Variants in PPIG observed in about 807,000 individuals in gnomAD.
The protein encoded by PPIG is peptidyl-prolyl cis-trans isomerase G.
PPIG carries 26 observed loss-of-function variants against 87.9 expected under a neutral mutation model. The ratio of observed to expected loss-of-function variants is 0.30; its 90% CI spans 0.22 to 0.41. The LOEUF is 0.41. Among genes scored for constraint, PPIG ranks in the 10% least tolerant of loss-of-function variants. The probability of loss-of-function intolerance (pLI) is 1.00; values close to 1 mark genes in which losing one functional copy is unlikely to be tolerated. For missense variants in PPIG, 722 were observed against 879.4 expected (o/e 0.82, Z 2.26); for synonymous variants, 308 against 276.5 (o/e 1.11, Z -1.13).
intron 1 of PPIG, among the ~76,000 whole-genome samples, chr2:169,600,697 T>C (rs1685156779): frequency 6.6e-6 from 1 of 152,088 alleles, no homozygotes; most frequent in Non-Finnish European, 1.5e-5. Context: ...GAAAAAAATA[T>C]ATAATTGAAG....
intron 12 of PPIG, among the ~76,000 whole-genome samples, chr2:169,635,753 T>TA (rs1488912880): frequency 2.0e-5 from 3 of 152,250 alleles, no homozygotes; most frequent in African/African-American, 7.2e-5. Flanking sequence ...TGGTTAGGAC[T>TA]CTTCCATGGA....
chr2:169,607,042 TG>T (rs1249022523), intron 5 of PPIG, 61 bp from the exon 6 acceptor site: 5 of 992,834 alleles, frequency 5.0e-6, no homozygotes, highest in Non-Finnish European at 7.7e-6. Flanking sequence ...AGAAGTATTT[TG>T]TTTAGGTATC....
chr2:169,593,560 T>C (rs1296368779), intron 1 of PPIG, among the ~76,000 whole-genome samples: 2 of 152,144 alleles, frequency 1.3e-5, no homozygotes, highest in East Asian at 1.9e-4. Flanking sequence ...CCTTTCACTC[T>C]TTTTTTGTCT....
chr2:169,604,746 C>T (rs1042145507), intron 4 of PPIG, among the ~76,000 whole-genome samples: 1 of 151,426 alleles, frequency 6.6e-6, no homozygotes, highest in Admixed American at 6.6e-5. Context: ...TGGTGGCGCA[C>T]GCCTGTAGTC....
intron 1 of PPIG, among the ~76,000 whole-genome samples, chr2:169,596,858 C>T (rs1000404371): frequency 5.9e-5 from 9 of 152,128 alleles, no homozygotes; most frequent in African/African-American, 7.2e-5. Context: ...TGCGCCATTA[C>T]GCTCAGCTCA....
At chr2:169,604,984 G>A (rs1685284152) in intron 4 of PPIG, among the ~76,000 whole-genome samples, 1 of 151,844 alleles carries the variant, frequency 6.6e-6, no homozygotes, top group African/African-American at 2.4e-5. Context: ...GATCACTTGA[G>A]GTCAGTAGTT....
chr2:169,603,354 TTACACAGAG>T (rs1404176090), intron 1 of PPIG, among the ~76,000 whole-genome samples: 2 of 152,174 alleles, frequency 1.3e-5, no homozygotes, highest in East Asian at 1.9e-4. Context: ...AATAAAGCTG[TTACACAGAG>T]TATCTCTTTG....
At chr2:169,587,047 C>T (rs1228136708) in intron 1 of PPIG, among the ~76,000 whole-genome samples, 2 of 152,052 alleles carry the variant, frequency 1.3e-5, no homozygotes, top group African/African-American at 4.8e-5. Context: ...GATTCTCACG[C>T]CTCAGCCTCC....
intron 9 of PPIG, among the ~76,000 whole-genome samples, chr2:169,629,032 G>A (rs532404055): frequency 2.0e-5 from 3 of 149,098 alleles, no homozygotes; most frequent in African/African-American, 7.4e-5. Context: ...TGGGGCTAAA[G>A]GAAAGGTCAC....
chr2:169,592,267 T>C (rs2441674), intron 1 of PPIG, among the ~76,000 whole-genome samples: 56,912 of 145,208 alleles, frequency 0.39, 11,886 homozygotes, highest in East Asian at 0.57. Flanking sequence ...TGACCAGATG[T>C]TTGTCTTACT....
Position 169,636,452 on chromosome 2 carries a change from A to G in PPIG, c.1194A>G (p.Pro398=). The part of the protein sequence containing the change: ...LNEIKENQRS[P]VRVKERKITD... Reference sequence around the variant, plus strand: ...AAATAAAAGAAAATCAGAGAAGTCCAGTTAGAGTAAAAGAGAGAAAAATAA... The same window carrying G: ...AAATAAAAGAAAATCAGAGAAGTCCGGTTAGAGTAAAAGAGAGAAAAATAA... The change falls in exon 14 of 14, where the codon CCA becomes CCG. Residue 398 remains proline (P), a synonymous_variant. Coordinates refer to ENST00000260970, the MANE Select transcript of PPIG (RefSeq NM_004792.3). 6.4e-7 allele frequency: 1 copy of G among 1,561,138 alleles called. No homozygotes were observed. Among genetic ancestry groups the G allele is most frequent in the South Asian group, 1.2e-5 (1 of 82,028 alleles).
At chr2:169,632,935 C>T (rs1025627159) in intron 11 of PPIG, among the ~76,000 whole-genome samples, 34 of 151,160 alleles carry the variant, frequency 2.2e-4, no homozygotes, top group Non-Finnish European at 4.1e-4. Flanking sequence ...AGCCACCATG[C>T]CCAGCTAATT....
At chr2:169,587,541 T>C (rs1472399500) in intron 1 of PPIG, among the ~76,000 whole-genome samples, 1 of 152,200 alleles carries the variant, frequency 6.6e-6, no homozygotes, top group African/African-American at 2.4e-5. Context: ...TGCCCAGACC[T>C]TTTTGCTTTT....
At chr2:169,595,977 T>G (rs570034588) in intron 1 of PPIG, among the ~76,000 whole-genome samples, 2 of 151,826 alleles carry the variant, frequency 1.3e-5, no homozygotes, top group Non-Finnish European at 2.9e-5. Context: ...GCTAATTTTG[T>G]ATTTTTAGTA....
intron 11 of PPIG, 97 bp downstream of exon 11, chr2:169,632,030 G>C (rs1686068379): frequency 2.3e-6 from 3 of 1,301,262 alleles, no homozygotes; most frequent in Non-Finnish European, 3.0e-6. Flanking sequence ...TGGTGACCTT[G>C]TCCCAAGATT....
At chr2:169,599,500 G>T (rs1347267492) in intron 1 of PPIG, among the ~76,000 whole-genome samples, 1 of 152,008 alleles carries the variant, frequency 6.6e-6, no homozygotes, top group Non-Finnish European at 1.5e-5. Context: ...ATTTTAAATG[G>T]TTGCCTTTAC....
At chr2:169,585,547 C>T (rs767526112) in intron 1 of PPIG, among the ~76,000 whole-genome samples, 1 of 152,122 alleles carries the variant, frequency 6.6e-6, no homozygotes, top group Non-Finnish European at 1.5e-5. Context: ...GCGAGAGCCA[C>T]CGCGCACGGC....
chr2:169,603,635 TTTC>T lies in PPIG; in HGVS notation c.-69-5_-69-3del, dbSNP rs1398854780. The T allele has an allele frequency of 6.2e-6, 1 of 160,178 alleles. No homozygotes were observed. The highest frequency in any genetic ancestry group is 1.4e-5 in the Non-Finnish European group (1 of 73,186). 9.9% of individuals were successfully genotyped at this position (160,178 alleles called of 1,614,324 possible). On this transcript the variant is annotated splice_region_variant and splice_polypyrimidine_tract_variant and intron_variant, in intron 1 of 13. Coordinates refer to ENST00000260970, the MANE Select transcript of PPIG (RefSeq NM_004792.3). ...TTTTAATCAGAACTCTCATTTTTGT[TTTC>T]TAGGAGCACAGGGATCAGTTGTCCT...
At chr2:169,589,560 A>G (rs1460302512) in intron 1 of PPIG, among the ~76,000 whole-genome samples, 1 of 152,192 alleles carries the variant, frequency 6.6e-6, no homozygotes, top group East Asian at 1.9e-4. Flanking sequence ...TGGAAATCTT[A>G]TATATAAATT....
Sources: gnomAD v4.1 joint callset for allele counts (sites outside exome capture counted in the v4.1 genomes callset) on GRCh38, gnomAD v4.1.1 for gene constraint, MANE v1.5 for transcripts, NCBI Gene and HGNC (gene_info 2026-07-23, HGNC 2026-07-21) for gene names.